The following ENOX1 variants were observed in gnomAD, a reference collection of about 807,000 sequenced individuals.
ENOX1 encodes ecto-NOX disulfide-thiol exchanger 1, also known as candidate growth-related and time keeping constitutive hydroquinone (NADH) oxidase.
ENOX1 carries 42 observed loss-of-function variants against 82.5 expected under a neutral mutation model. The ratio of observed to expected loss-of-function variants is 0.51; its 90% CI spans 0.40 to 0.66. The LOEUF (loss-of-function observed/expected upper bound fraction) is 0.66, where lower values mean the gene tolerates loss of function less well. Ranked by LOEUF, ENOX1 falls within the 30% of genes least tolerant of loss-of-function variation. ENOX1 has a pLI of 0.00. For missense variants in ENOX1, 608 were observed against 811.6 expected (o/e 0.75, Z 3.05); for synonymous variants, 271 against 282.2 (o/e 0.96, Z 0.40).
At chr13:43,386,269 T>A (rs1404634054) in intron 5 of ENOX1, among the ~76,000 whole-genome samples, 3 of 152,238 alleles carry the variant, frequency 2.0e-5, no homozygotes, top group Non-Finnish European at 4.4e-5. Context: ...AGGATTCATG[T>A]TACACATCCC....
chr13:43,364,244 C>T (rs755458188), intron 5 of ENOX1, among the ~76,000 whole-genome samples: 18 of 152,244 alleles, frequency 1.2e-4, no homozygotes, highest in African/African-American at 2.2e-4. Context: ...CAGCGCAACC[C>T]GAAGAATCAG....
At chr13:43,581,666 G>A (rs2080748481) in intron 2 of ENOX1, among the ~76,000 whole-genome samples, 1 of 152,148 alleles carries the variant, frequency 6.6e-6, no homozygotes. Flanking sequence ...CTCTCCTAGT[G>A]GGTATTTTTG....
intron 2 of ENOX1, among the ~76,000 whole-genome samples, chr13:43,501,450 A>G (rs928866241): frequency 6.6e-6 from 1 of 151,808 alleles, no homozygotes; most frequent in Admixed American, 6.6e-5. Flanking sequence ...CAGCAGCAGT[A>G]GAGCAAACAT....
intron 2 of ENOX1, among the ~76,000 whole-genome samples, chr13:43,599,545 A>T (rs1468067804): frequency 6.6e-6 from 1 of 152,032 alleles, no homozygotes; most frequent in Non-Finnish European, 1.5e-5. Flanking sequence ...AAGCCTCATC[A>T]CTGCAGACTA....
At chr13:43,731,406 T>C (rs1326126070) in intron 1 of ENOX1, among the ~76,000 whole-genome samples, 1 of 152,230 alleles carries the variant, frequency 6.6e-6, no homozygotes, top group African/African-American at 2.4e-5. Context: ...AAGTTTATAA[T>C]ATTTTTAAAA....
At chr13:43,536,379 T>A (rs1404788812) in intron 2 of ENOX1, among the ~76,000 whole-genome samples, 1 of 152,240 alleles carries the variant, frequency 6.6e-6, no homozygotes, top group Non-Finnish European at 1.5e-5. Context: ...GCCTTGCATT[T>A]TAGAATTTTA....
chr13:43,760,556 T>C (rs1482302792), intron 1 of ENOX1, among the ~76,000 whole-genome samples: 1 of 152,086 alleles, frequency 6.6e-6, no homozygotes, highest in African/African-American at 2.4e-5. Flanking sequence ...CATTCTGTTT[T>C]CTTTAGGGCC....
intron 2 of ENOX1, among the ~76,000 whole-genome samples, chr13:43,556,240 T>G (rs2153702421): frequency 6.6e-6 from 1 of 152,296 alleles, no homozygotes; most frequent in South Asian, 2.1e-4. Flanking sequence ...CCAGTTTTTT[T>G]TTTTTTAACT....
intron 1 of ENOX1, among the ~76,000 whole-genome samples, chr13:43,671,398 C>G (rs1482022509): frequency 6.6e-6 from 1 of 152,146 alleles, no homozygotes; most frequent in Non-Finnish European, 1.5e-5. Context: ...TGGGCAGAGA[C>G]CCTGAGCAGT....
intron 12 of ENOX1, among the ~76,000 whole-genome samples, chr13:43,296,016 C>T (rs1279658676): frequency 6.6e-6 from 1 of 152,130 alleles, no homozygotes; most frequent in African/African-American, 2.4e-5. Flanking sequence ...CTTCATGATC[C>T]AGGATCCCAC....
chr13:43,215,880 T>C (rs1036430644), intron 16 of ENOX1, among the ~76,000 whole-genome samples: 1 of 152,190 alleles, frequency 6.6e-6, no homozygotes, highest in African/African-American at 2.4e-5. Context: ...ATCATTCTTA[T>C]AGTCAGGCAT....
At chr13:43,549,039 G>A (rs2079082948) in intron 2 of ENOX1, among the ~76,000 whole-genome samples, 1 of 152,096 alleles carries the variant, frequency 6.6e-6, no homozygotes, top group Non-Finnish European at 1.5e-5. Context: ...CTCTAACACT[G>A]AATTTATTAT....
intron 1 of ENOX1, among the ~76,000 whole-genome samples, chr13:43,724,443 G>A (rs1168656787): frequency 6.6e-6 from 1 of 151,716 alleles, no homozygotes; most frequent in Non-Finnish European, 1.5e-5. Context: ...GGACGGGGAG[G>A]GAATTCTCCT....
Position 43,719,737 on chromosome 13 carries a change from G to GA in ENOX1, c.-284-52194dup, listed in dbSNP as rs576885994. ...CCCTAAAAAGACTGGCCAAAATCCTGAAAAAGCTTGCCACACCTTTTGGCT... is the reference window on the plus strand; with the variant it reads ...CCCTAAAAAGACTGGCCAAAATCCTGAAAAAAGCTTGCCACACCTTTTGGCT... On this transcript the variant is annotated intron_variant, in intron 1 of 16. Transcript: ENST00000690772. 1.8e-4 allele frequency among the ~76,000 whole-genome samples: 27 copies of GA among 152,120 alleles called. 1 individual carries two copies. The South Asian group carries it at 5.4e-3, about 30-fold the overall frequency.
intron 1 of ENOX1, among the ~76,000 whole-genome samples, chr13:43,746,145 A>C (rs1434166693): frequency 6.6e-6 from 1 of 152,174 alleles, no homozygotes; most frequent in Non-Finnish European, 1.5e-5. Context: ...TCATATTTAT[A>C]TGAATATAAA....
chr13:43,496,180 T>C (rs535790639), intron 2 of ENOX1, among the ~76,000 whole-genome samples: 2 of 93,160 alleles, frequency 2.1e-5, no homozygotes, highest in Non-Finnish European at 5.6e-5. Flanking sequence ...AGTTAACTGA[T>C]TTTTTTCTAT....
chr13:43,746,819 A>C (rs1950046039), intron 1 of ENOX1, among the ~76,000 whole-genome samples: 1 of 152,210 alleles, frequency 6.6e-6, no homozygotes, highest in Non-Finnish European at 1.5e-5. Flanking sequence ...AAAGCTAGTC[A>C]AGCTCAAAGT....
chr13:43,371,053 T>G (rs2051207785), intron 5 of ENOX1, among the ~76,000 whole-genome samples: 1 of 152,316 alleles, frequency 6.6e-6, no homozygotes, highest in African/African-American at 2.4e-5. Context: ...CAGACTTCTT[T>G]TCACATCCCT....
intron 2 of ENOX1, among the ~76,000 whole-genome samples, chr13:43,606,812 C>T (rs1259691903): frequency 6.6e-6 from 1 of 151,608 alleles, no homozygotes; most frequent in African/African-American, 2.4e-5. Context: ...CACAGGAGTT[C>T]GAGACCAGCC....
Sources: allele counts gnomAD v4.1 joint callset (sites outside exome capture counted in the v4.1 genomes callset), GRCh38; gene constraint gnomAD v4.1.1; transcripts MANE v1.5; gene names NCBI Gene and HGNC (gene_info 2026-07-23, HGNC 2026-07-21).